The following FANCB variants were observed in gnomAD, a reference collection of about 807,000 sequenced individuals.
FANCB encodes the protein FA complementation group B.
A neutral mutation model predicts 38.9 loss-of-function variants in FANCB; 5 were observed. That is an observed-to-expected ratio of 0.13 (90% CI 0.07 to 0.27). The LOEUF (loss-of-function observed/expected upper bound fraction) is 0.27. FANCB is among the 10% of genes least tolerant of loss of function. FANCB has a pLI of 1.00. For missense variants in FANCB, 573 were observed against 602.7 expected, an observed-to-expected ratio of 0.95 and a Z score of 0.52; for synonymous variants, 236 against 215.4, an observed-to-expected ratio of 1.10 and a Z score of -0.84.
chrX:14,793,752 G>C, the FANCB span, among the ~76,000 whole-genome samples: 1 of 112,029 alleles, frequency 8.9e-6, no homozygotes, highest in African/African-American at 3.2e-5. Context: ...GCAAAGTGGA[G>C]TGTGATTTTT....
chrX:14,780,804 GT>G, the FANCB span, among the ~76,000 whole-genome samples: 78 of 102,945 alleles, frequency 7.6e-4, 2 homozygotes, highest in Admixed American at 3.4e-3. Context: ...AATATTCTTG[GT>G]TTTTTTTGTT....
chrX:14,819,607 G>A, the FANCB span, among the ~76,000 whole-genome samples: 1 of 111,529 alleles, frequency 9.0e-6, no homozygotes, highest in Admixed American at 9.5e-5. Context: ...TTTTGTGTTT[G>A]TTTATTCTCT....
chrX:14,789,632 A>C, the FANCB span, among the ~76,000 whole-genome samples: 1 of 111,574 alleles, frequency 9.0e-6, no homozygotes, highest in Non-Finnish European at 1.9e-5. Flanking sequence ...GCTCCCTCAC[A>C]CTCAGTGTTT....
chrX:14,765,975 C>T, the FANCB span, among the ~76,000 whole-genome samples: 4 of 111,498 alleles, frequency 3.6e-5, no homozygotes, highest in Non-Finnish European at 5.6e-5. Context: ...CTCTCCCAGG[C>T]GACACTTAGC....
chrX:14,832,520 T>A (rs1208695911), downstream of FANCB, among the ~76,000 whole-genome samples: 1 of 111,875 alleles, frequency 8.9e-6, no homozygotes, highest in East Asian at 2.8e-4. Context: ...AATAAATGCC[T>A]ACACAAAAAA....
chrX:14,802,543 T>C, the FANCB span, among the ~76,000 whole-genome samples: 3 of 112,011 alleles, frequency 2.7e-5, no homozygotes, highest in Non-Finnish European at 5.6e-5. Context: ...CTGAGTCAAT[T>C]GCTGGGAGCA....
At chrX:14,694,430 A>G in the FANCB span, among the ~76,000 whole-genome samples, 2 of 112,262 alleles carry the variant, frequency 1.8e-5, no homozygotes, top group Non-Finnish European at 3.8e-5. Flanking sequence ...ATGAGGTTGA[A>G]AAATAGGTAA....
At chrX:14,794,722 A>T in the FANCB span, among the ~76,000 whole-genome samples, 1 of 112,089 alleles carries the variant, frequency 8.9e-6, no homozygotes, top group Non-Finnish European at 1.9e-5. Flanking sequence ...TGTCTTGCTG[A>T]TCTTTTCTAA....
At chrX:14,807,144 G>A in the FANCB span, among the ~76,000 whole-genome samples, 1 of 112,068 alleles carries the variant, frequency 8.9e-6, no homozygotes, top group Admixed American at 9.5e-5. Context: ...TAATAGGCAG[G>A]TAAAAGTCAT....
At chrX:14,728,430 T>C in the FANCB span, among the ~76,000 whole-genome samples, 13 of 111,876 alleles carry the variant, frequency 1.2e-4, no homozygotes, top group African/African-American at 3.9e-4. Flanking sequence ...AATTTTTTAT[T>C]GGAAGCACTA....
At chrX:14,703,656 T>C in the FANCB span, among the ~76,000 whole-genome samples, 1 of 111,711 alleles carries the variant, frequency 9.0e-6, no homozygotes, top group African/African-American at 3.3e-5. Flanking sequence ...AGAGCATCCG[T>C]TGGGCACTGT....
chrX:14,829,357 T>G, the FANCB span, among the ~76,000 whole-genome samples: 2 of 111,493 alleles, frequency 1.8e-5, no homozygotes, highest in Non-Finnish European at 3.8e-5. Context: ...CCTAGGATTT[T>G]CAGAATGGTA....
chrX:14,713,554 A>G, the FANCB span, among the ~76,000 whole-genome samples: 1 of 112,391 alleles, frequency 8.9e-6, no homozygotes, highest in Non-Finnish European at 1.9e-5. Flanking sequence ...ACAGAAAGCC[A>G]AACAACTATT....
the FANCB span, among the ~76,000 whole-genome samples, chrX:14,734,175 C>A: frequency 1.8e-5 from 2 of 111,999 alleles, no homozygotes; most frequent in African/African-American, 6.5e-5. Context: ...GAAGACAAAG[C>A]CAGTTAGTCC....
chrX:14,698,940 G>A, the FANCB span, among the ~76,000 whole-genome samples: 1 of 111,212 alleles, frequency 9.0e-6, no homozygotes, highest in Non-Finnish European at 1.9e-5. Flanking sequence ...GAGCAATCAA[G>A]TTATCAAATG....
At chrX:14,774,616 C>A in the FANCB span, among the ~76,000 whole-genome samples, 1 of 111,711 alleles carries the variant, frequency 9.0e-6, no homozygotes, top group African/African-American at 3.3e-5. Flanking sequence ...GGAAAATGAA[C>A]AAATTTCCTA....
the FANCB span, among the ~76,000 whole-genome samples, chrX:14,779,752 T>C: frequency 9.1e-6 from 1 of 109,428 alleles, no homozygotes; most frequent in Non-Finnish European, 1.9e-5. Flanking sequence ...AAGTGAGGAC[T>C]AGATGATAGT....
At chrX:14,736,254 T>G in the FANCB span, among the ~76,000 whole-genome samples, 1 of 110,099 alleles carries the variant, frequency 9.1e-6, no homozygotes, top group African/African-American at 3.3e-5. Context: ...TATTCTGTCT[T>G]GCTGGCATTC....
chrX:14,859,670 A>G (rs1030570346), intron 3 of FANCB, among the ~76,000 whole-genome samples: 8 of 111,903 alleles, frequency 7.1e-5, no homozygotes, highest in African/African-American at 2.6e-4. Context: ...AAATTCTAAC[A>G]TTTATCATGA....
Sources: gnomAD v4.1 joint callset for allele counts (sites outside exome capture counted in the v4.1 genomes callset) on GRCh38, gnomAD v4.1.1 for gene constraint, MANE v1.5 for transcripts, NCBI Gene and HGNC (gene_info 2026-07-23, HGNC 2026-07-21) for gene names.